The following TRDN variants were observed in gnomAD, a reference collection of about 807,000 sequenced individuals.
The protein encoded by TRDN is triadin.
TRDN carries 161 observed loss-of-function variants against 149.7 expected under a neutral mutation model. The ratio of observed to expected loss-of-function variants is 1.08; its 90% CI spans 0.95 to 1.23. The LOEUF (loss-of-function observed/expected upper bound fraction) is 1.23. Ranked by LOEUF, TRDN falls within the 50% of genes most tolerant of loss-of-function variation. The probability of loss-of-function intolerance (pLI) is 0.00; values close to 1 mark genes in which losing one functional copy is unlikely to be tolerated. For synonymous variants in TRDN, 294 were observed against 250.5 expected (o/e 1.17, Z -1.64); for missense variants, 896 against 823.5 (o/e 1.09, Z -1.08).
intron 8 of TRDN, among the ~76,000 whole-genome samples, chr6:123,500,629 A>G (rs1282667138): frequency 6.6e-6 from 1 of 152,162 alleles, no homozygotes; most frequent in Non-Finnish European, 1.5e-5. Context: ...CCTTCTTGGA[A>G]TAACACATGC....
At chr6:123,514,018 A>G (rs1331170337) in intron 6 of TRDN, among the ~76,000 whole-genome samples, 1 of 152,164 alleles carries the variant, frequency 6.6e-6, no homozygotes, top group African/African-American at 2.4e-5. Context: ...CTTACTTCGT[A>G]TCATACACTG....
At chr6:123,334,790 C>A (rs1370780508) in intron 22 of TRDN, among the ~76,000 whole-genome samples, 1 of 151,844 alleles carries the variant, frequency 6.6e-6, no homozygotes, top group Non-Finnish European at 1.5e-5. Context: ...TCTGAATGCC[C>A]CCAGTGACTC....
At chr6:123,536,766 T>C (rs1207269490) in intron 4 of TRDN, among the ~76,000 whole-genome samples, 1 of 151,588 alleles carries the variant, frequency 6.6e-6, no homozygotes, top group East Asian at 1.9e-4. Context: ...ACAACTGTAG[T>C]CCAGCTACTT....
intron 6 of TRDN, 122 bp downstream of exon 6, chr6:123,516,019 T>C: frequency 9.2e-7 from 1 of 1,089,198 alleles, no homozygotes; most frequent in Non-Finnish European, 1.2e-6. Flanking sequence ...GATTCTATTC[T>C]GAGAAAATAA....
At chr6:123,563,762 G>A (rs1011035281) in intron 2 of TRDN, among the ~76,000 whole-genome samples, 19 of 152,146 alleles carry the variant, frequency 1.2e-4, no homozygotes, top group African/African-American at 4.6e-4. Context: ...TTTGTTTAAT[G>A]AAGTTGAGGT....
At chr6:123,312,575 G>A (rs1319555633) in intron 24 of TRDN, among the ~76,000 whole-genome samples, 1 of 151,970 alleles carries the variant, frequency 6.6e-6, no homozygotes, top group Non-Finnish European at 1.5e-5. Context: ...GAGGCTATTA[G>A]TAGTTAAGTT....
chr6:123,233,400 A>G (rs1032007253), intron 38 of TRDN, among the ~76,000 whole-genome samples: 1 of 152,086 alleles, frequency 6.6e-6, no homozygotes, highest in African/African-American at 2.4e-5. Flanking sequence ...GAAATTTCAC[A>G]TTTGGGATTT....
intron 5 of TRDN, among the ~76,000 whole-genome samples, chr6:123,524,325 A>G (rs982078430): frequency 9.2e-5 from 14 of 152,184 alleles, no homozygotes; most frequent in Admixed American, 8.5e-4. Flanking sequence ...GAATTTTATA[A>G]GAAGGCTCAG....
intron 18 of TRDN, among the ~76,000 whole-genome samples, chr6:123,376,610 A>G (rs1354553765): frequency 6.6e-6 from 1 of 152,130 alleles, no homozygotes; most frequent in Admixed American, 6.6e-5. Context: ...CAGCATATGA[A>G]ATATTATAAA....
intron 12 of TRDN, among the ~76,000 whole-genome samples, chr6:123,409,690 TACACAC>T (rs5879677): frequency 2.7e-5 from 4 of 149,300 alleles, no homozygotes; most frequent in Non-Finnish European, 5.9e-5. Context: ...TAATGTAATT[TACACAC>T]ACACACACAC....
At chr6:123,350,212 G>A (rs1382667493) in intron 21 of TRDN, 6 of 967,136 alleles carry the variant, frequency 6.2e-6, no homozygotes, top group Admixed American at 6.2e-5. Context: ...ACTGACTGTC[G>A]AAGTGATTTT....
chr6:123,288,741 A>G (rs1039884873), intron 24 of TRDN, among the ~76,000 whole-genome samples: 3 of 152,138 alleles, frequency 2.0e-5, no homozygotes, highest in Admixed American at 6.6e-5. Context: ...GTTGATGAGA[A>G]TGAGGAGAAA....
rs59816098 is a variant in TRDN at position 123,378,453 on chromosome 6, AGTGTGTGTGTGTGTGTGT to A, written c.1187-573_1187-556del. ...CACCACCATGTGTAGCCAGATTTGTAGTGTGTGTGTGTGTGTGTGTGTGTGTGTGTGTGTGTGTGTGTG... is the reference window on the plus strand; with the variant it reads ...CACCACCATGTGTAGCCAGATTTGTAGTGTGTGTGTGTGTGTGTGTGTGTG... On this transcript the variant is annotated intron_variant, in intron 16 of 40. Transcript: ENST00000334268. Among the ~76,000 whole-genome samples, 36 of 136,380 alleles carry A rather than the reference AGTGTGTGTGTGTGTGTGT, an allele frequency of 2.6e-4. 1 individual carries two copies. Among genetic ancestry groups the A allele is most frequent in the Middle Eastern group, 3.7e-3 (1 of 270 alleles). 89.5% of individuals were successfully genotyped at this position (136,380 alleles called of 152,430 possible). A position where few individuals can be genotyped will look rare whatever the true frequency, so the allele number is the denominator to read the frequency against.
At position 123,567,455 on chromosome 6, in the gene TRDN, T is replaced by C. The variant is rs73770173; in HGVS notation, c.232+3468A>G. On this transcript the variant is annotated intron_variant, in intron 2 of 40. Coordinates refer to ENST00000334268, the MANE Select transcript of TRDN (RefSeq NM_006073.4). Reference sequence around the variant, plus strand: ...AAGAAATACCTGAGACTGGGTCATTTATAAAGAAAAGAAGTTCATTTGGCT... The same window carrying C: ...AAGAAATACCTGAGACTGGGTCATTCATAAAGAAAAGAAGTTCATTTGGCT... 2.7e-3 allele frequency among the ~76,000 whole-genome samples: 404 copies of C among 152,256 alleles called. 1 individual carries two copies. The highest frequency in any genetic ancestry group is 9.6e-3 in the African/African-American group (399 of 41,548).
At chr6:123,424,150 A>T (rs1404382222) in intron 12 of TRDN, among the ~76,000 whole-genome samples, 2 of 152,262 alleles carry the variant, frequency 1.3e-5, no homozygotes, top group South Asian at 2.1e-4. Context: ...CATCGTATTT[A>T]TATACCCTAC....
chr6:123,552,648 A>G (rs1418400506), intron 2 of TRDN, among the ~76,000 whole-genome samples: 2 of 152,150 alleles, frequency 1.3e-5, no homozygotes, highest in Non-Finnish European at 2.9e-5. Context: ...TATTTTCTTC[A>G]TCATATATTT....
intron 29 of TRDN, among the ~76,000 whole-genome samples, chr6:123,271,957 A>G (rs996300821): frequency 1.3e-5 from 2 of 151,792 alleles, no homozygotes; most frequent in Non-Finnish European, 2.9e-5. Flanking sequence ...TTTGGGACAT[A>G]AGAAAATAAC....
chr6:123,467,904 G>A (rs1056990351), intron 9 of TRDN, among the ~76,000 whole-genome samples: 4 of 152,116 alleles, frequency 2.6e-5, no homozygotes, highest in East Asian at 3.8e-4. Context: ...GGTATTAAGC[G>A]ATAGCTTCAG....
At chr6:123,448,502 G>T (rs1039857252) in intron 10 of TRDN, among the ~76,000 whole-genome samples, 1 of 152,030 alleles carries the variant, frequency 6.6e-6, no homozygotes, top group Non-Finnish European at 1.5e-5. Flanking sequence ...ACTCAGCAGA[G>T]ACAGCCATAA....
Sources: gnomAD v4.1 joint callset for allele counts (sites outside exome capture counted in the v4.1 genomes callset) on GRCh38, gnomAD v4.1.1 for gene constraint, MANE v1.5 for transcripts, NCBI Gene and HGNC (gene_info 2026-07-23, HGNC 2026-07-21) for gene names.